TNXB: variants seen among roughly 807,000 people sequenced by gnomAD.
TNXB encodes the protein tenascin XB, also known as tenascin-X.
A neutral mutation model predicts 340.5 loss-of-function variants in TNXB; 183 were observed. The observed-to-expected ratio is 0.54, with a 90% confidence interval of 0.48 to 0.61. The LOEUF (loss-of-function observed/expected upper bound fraction) is 0.61, where lower values mean the gene tolerates loss of function less well. Ranked by LOEUF, TNXB falls within the 20% of genes least tolerant of loss-of-function variation. The probability of loss-of-function intolerance (pLI) is 0.00; values close to 1 mark genes in which losing one functional copy is unlikely to be tolerated. For synonymous variants in TNXB, 2,121 were observed against 2,314.5 expected, an observed-to-expected ratio of 0.92 and a Z score of 2.40; for missense variants, 4,613 against 5,446.4, an observed-to-expected ratio of 0.85 and a Z score of 4.82.
chr6:32,096,030 C>T lies in TNXB; in HGVS notation c.1823G>A (p.Trp608Ter). Residue 608 changes from tryptophan to a stop codon, truncating the protein, a stop_gained, in exon 3 of 44, where the codon TGG (tryptophan) becomes TAG (stop). Coordinates refer to ENST00000644971, the MANE Select transcript of TNXB (RefSeq NM_001365276.2). LOFTEE classifies it high-confidence loss of function. ...GVCQDGVCIC[W>*]EGYVSEDCSI... is the part of the protein sequence containing the mutation. ...GCAGTCCTCACTCACGTAGCCTTCC[C>T]AACAGATGCACACACCGTCCTGGCA... 2 of 1,613,174 alleles carry T rather than the reference C, an allele frequency of 1.2e-6. No homozygotes were observed. The highest frequency in any genetic ancestry group is 1.7e-6 in the Non-Finnish European group (2 of 1,179,786).
At position 32,082,395 on chromosome 6, in the gene TNXB, T is replaced by A; in HGVS notation, c.3446-69A>T. ...GAGAATGGGGAAGCCAAATCCCACA[T>A]AGGAATGCTGTGTGAGGCTGTGCAG... On this transcript the variant is annotated intron_variant, in intron 8 of 43. Coordinates refer to ENST00000644971, the MANE Select transcript of TNXB (RefSeq NM_001365276.2). This position sits in a 1 kb window ranked among gnomAD's most constrained non-coding sequence, Gnocchi z 5.0. 3 of 1,443,288 alleles carry A rather than the reference T, an allele frequency of 2.1e-6. No individual in the cohort carries two copies. The highest frequency in any genetic ancestry group is 2.8e-6 in the Non-Finnish European group (3 of 1,064,456). The allele number at this position is 1,443,288 out of a possible 1,614,324, so 89.4% of individuals were successfully genotyped here.
At position 32,097,048 on chromosome 6, in the gene TNXB, C is replaced by A; in HGVS notation, c.805G>T (p.Gly269Cys). ...ATGCCACAGTCGTCACCAGTGTAGC[C>A]TGGGTCACACACGCAGCGCCCACCC... Reference protein sequence around the residue: ...CEGGRCVCDPGYTGDDCGMRS... With the variant: ...CEGGRCVCDPCYTGDDCGMRS... The change falls in exon 3 of 44, where the codon GGC becomes TGC. Residue 269 changes from glycine (G) to cysteine (C), a missense_variant. Gly to Cys is a radical substitution (Grantham distance 159). This residue lies in a region of TNXB where 4,327 missense variants were observed against 4,859.4 expected (regional missense o/e 0.89). Coordinates refer to ENST00000644971, the MANE Select transcript of TNXB (RefSeq NM_001365276.2). The surrounding 1 kb of genome is among the most constrained non-coding windows in gnomAD (Gnocchi z 5.9). 6.2e-7 allele frequency: 1 copy of A among 1,613,170 alleles called. No homozygotes were observed. Among genetic ancestry groups the A allele is most frequent in the Non-Finnish European group, 8.5e-7 (1 of 1,179,610 alleles).
intron 1 of TNXB, among the ~76,000 whole-genome samples, chr6:32,104,767 T>G (rs1040793812): frequency 2.0e-5 from 3 of 152,012 alleles, no homozygotes; most frequent in African/African-American, 7.2e-5. Context: ...TCCTGAGTAG[T>G]TGGGACTACA....
chr6:32,080,432 G>A lies in TNXB; in HGVS notation c.4042+936C>T, dbSNP rs1024547934. 3.3e-5 allele frequency among the ~76,000 whole-genome samples: 5 copies of A among 152,106 alleles called. No homozygotes were observed. Among genetic ancestry groups the A allele is most frequent in the African/African-American group, 9.7e-5 (4 of 41,416 alleles). ...TCACCGTGTTAGCCAGGATGGTCTC[G>A]ATCTCCTGACCTCGTGATCCACCCG... is the stretch of plus-strand genomic sequence containing the variant. On this transcript the variant is annotated intron_variant, in intron 10 of 43. Transcript: ENST00000644971. This position sits in a 1 kb window ranked among gnomAD's most constrained non-coding sequence, Gnocchi z 4.3.
At chr6:32,078,095 G>GAAAT (rs199581479) in intron 11 of TNXB, among the ~76,000 whole-genome samples, 3 of 135,936 alleles carry the variant, frequency 2.2e-5, no homozygotes, top group Non-Finnish European at 4.6e-5. Context: ...AAGAAAGAAA[G>GAAAT]AAAGAAAGAA....
rs201412413 is a variant in TNXB, at chr6:32,068,891, A to G, written c.5833T>C (p.Tyr1945His). The change falls in exon 16 of 44, where the codon TAC (tyrosine) becomes CAC (histidine). Residue 1945 changes from tyrosine to histidine, a missense_variant. Coordinates refer to ENST00000644971, the MANE Select transcript of TNXB (RefSeq NM_001365276.2). This position sits in a 1 kb window ranked among gnomAD's most constrained non-coding sequence, Gnocchi z 5.3. ...TLSGLESDHRYLVTLYGFSDG... is the reference protein window; with the variant it reads ...TLSGLESDHRHLVTLYGFSDG... ...CTGAAACCATACAGGGTCACCAGGT[A>G]TCTGTGGTCGGATTCCAGGCCAGAG... The G allele has an allele frequency of 2.0e-4, 326 of 1,612,848 alleles. No homozygotes were observed. In the African/African-American group the frequency reaches 3.4e-3, roughly 17 times the overall value.
rs1776848139 is a variant in TNXB at position 32,046,086 on chromosome 6, C to A, written c.10606+89G>T. The A allele has an allele frequency of 6.6e-7, 1 of 1,512,758 alleles. No individual in the cohort carries two copies. Among genetic ancestry groups the A allele is most frequent in the African/African-American group, 1.4e-5 (1 of 72,808 alleles). The allele number at this position is 1,512,758 out of a possible 1,614,324, so 93.7% of individuals were successfully genotyped here. On this transcript the variant is annotated intron_variant, in intron 31 of 43. Coordinates refer to ENST00000644971, the MANE Select transcript of TNXB (RefSeq NM_001365276.2). The surrounding 1 kb of genome is among the most constrained non-coding windows in gnomAD (Gnocchi z 6.9). ...GCCAGGGCGCCCCACTCCGGCCTGCCCACTCCTGCAGTCATCTTTGTCTTC... is the reference window on the plus strand; with the variant it reads ...GCCAGGGCGCCCCACTCCGGCCTGCACACTCCTGCAGTCATCTTTGTCTTC...
intron 21 of TNXB, among the ~76,000 whole-genome samples, chr6:32,059,044 C>T (rs1216955072): frequency 6.6e-6 from 1 of 151,832 alleles, no homozygotes; most frequent in Non-Finnish European, 1.5e-5. Flanking sequence ...GAAAGTAGGA[C>T]TATGAGATTC....
Position 32,068,623 on chromosome 6 carries a change from G to C in TNXB, c.5987C>G (p.Thr1996Arg). 6.2e-7 allele frequency: 1 copy of C among 1,613,938 alleles called. No individual in the cohort carries two copies. Among genetic ancestry groups the C allele is most frequent in the Non-Finnish European group, 8.5e-7 (1 of 1,179,882 alleles). Residue 1996 changes from threonine to arginine, a missense_variant, in exon 17 of 44, where the codon ACA becomes AGA. This residue lies in a region of TNXB where 4,327 missense variants were observed against 4,859.4 expected (regional missense o/e 0.89). Coordinates refer to ENST00000644971, the MANE Select transcript of TNXB (RefSeq NM_001365276.2). This position sits in a 1 kb window ranked among gnomAD's most constrained non-coding sequence, Gnocchi z 5.3. Reference sequence around the variant, plus strand: ...GCTGAGGGAGTCAGGGGTGGCATCTGTCACGGTCAGCTCCCCCAGGCGAGG... The same window carrying C: ...GCTGAGGGAGTCAGGGGTGGCATCTCTCACGGTCAGCTCCCCCAGGCGAGG... Reference protein sequence around the residue: ...IKPRLGELTVTDATPDSLSLS... With the variant: ...IKPRLGELTVRDATPDSLSLS...
chr6:32,089,187 A>G lies in TNXB; in HGVS notation c.2515+36T>C, dbSNP rs755896944. 1.2e-5 allele frequency: 19 copies of G among 1,573,864 alleles called. No homozygotes were observed. The highest frequency in any genetic ancestry group is 5.2e-5 in the Admixed American group (3 of 57,430). On this transcript the variant is annotated intron_variant, in intron 5 of 43. Transcript: ENST00000644971. This position sits in a 1 kb window ranked among gnomAD's most constrained non-coding sequence, Gnocchi z 6.2. The stretch of plus-strand genomic sequence containing the variant: ...GATTCCCTCTCTAGTCCAGATCTCC[A>G]CTCAGGACACCCCTCCCCACAGCCC...
In TNXB at chr6:32,084,370, T is replaced by A. The variant is rs1779646695; in HGVS notation, c.3445+43A>T. 2 of 1,527,844 alleles carry A rather than the reference T, an allele frequency of 1.3e-6. No individual in the cohort carries two copies. Among genetic ancestry groups the A allele is most frequent in the Non-Finnish European group, 1.8e-6 (2 of 1,132,150 alleles). The allele number at this position is 1,527,844 out of a possible 1,614,324, so 94.6% of individuals were successfully genotyped here. A position where few individuals can be genotyped will look rare whatever the true frequency, so the allele number is the denominator to read the frequency against. On this transcript the variant is annotated intron_variant, in intron 8 of 43. Coordinates refer to ENST00000644971, the MANE Select transcript of TNXB (RefSeq NM_001365276.2). This position sits in a 1 kb window ranked among gnomAD's most constrained non-coding sequence, Gnocchi z 5.5. ...GTTCCCAAAGCACTGAGAAAACCTCTTCAGGGCAGTACAGAGGGCAGGGTG... is the reference window on the plus strand; with the variant it reads ...GTTCCCAAAGCACTGAGAAAACCTCATCAGGGCAGTACAGAGGGCAGGGTG...
At position 32,053,696 on chromosome 6, in the gene TNXB, G is replaced by A. The variant is rs771273359; in HGVS notation, c.8483C>T (p.Ala2828Val). The A allele has an allele frequency of 8.7e-6, 14 of 1,612,362 alleles. No individual in the cohort carries two copies. In the South Asian group the frequency reaches 1.3e-4, roughly 15 times the overall value. Residue 2828 changes from alanine (A) to valine (V), a missense_variant, in exon 25 of 44, where the codon GCA becomes GTA. This residue lies in a region of TNXB where 4,327 missense variants were observed against 4,859.4 expected (regional missense o/e 0.89). Coordinates refer to ENST00000644971, the MANE Select transcript of TNXB (RefSeq NM_001365276.2). ...TVGVTAPEDE[A>V]ETTQAVPTTT... ...GGTGGGCACTGCTTGGGTGGTCTCTGCTTCATCCTCTGGAGCTGGACAGAC... is the reference window on the plus strand; with the variant it reads ...GGTGGGCACTGCTTGGGTGGTCTCTACTTCATCCTCTGGAGCTGGACAGAC...
At chr6:32,078,112 A>G (rs1291319506) in intron 11 of TNXB, among the ~76,000 whole-genome samples, 3 of 150,542 alleles carry the variant, frequency 2.0e-5, no homozygotes, top group African/African-American at 4.9e-5. Context: ...AGAAAGAAAG[A>G]AAGAAAGAAA....
chr6:32,097,754 C>G lies in TNXB; in HGVS notation c.403+42G>C. On this transcript the variant is annotated intron_variant, in intron 2 of 43. Transcript: ENST00000644971. The surrounding 1 kb of genome is among the most constrained non-coding windows in gnomAD (Gnocchi z 5.9). ...ACCTTTATGGACTAGCAATGCCCAC[C>G]CCACCCCACCTCTCCACCCTCTTCT... 1 of 1,493,012 alleles carries G rather than the reference C, an allele frequency of 6.7e-7. No homozygotes were observed. Among genetic ancestry groups the G allele is most frequent in the Middle Eastern group, 1.8e-4 (1 of 5,510 alleles). The allele number at this position is 1,493,012 out of a possible 1,614,324, so 92.5% of individuals were successfully genotyped here. A position where few individuals can be genotyped will look rare whatever the true frequency, so the allele number is the denominator to read the frequency against.
At chr6:32,086,702 G>T (rs988798154) in intron 6 of TNXB, among the ~76,000 whole-genome samples, 4 of 152,116 alleles carry the variant, frequency 2.6e-5, no homozygotes, top group Admixed American at 1.3e-4. Context: ...TGAGCCAGGG[G>T]GTCTGAAAAG....
rs778262010 is a variant in TNXB at position 32,070,932 on chromosome 6, C to T, written c.4991-518G>A. Among the ~76,000 whole-genome samples, 7 of 152,160 alleles carry T rather than the reference C, an allele frequency of 4.6e-5. No homozygotes were observed. Among genetic ancestry groups the T allele is most frequent in the African/African-American group, 1.2e-4 (5 of 41,446 alleles). On this transcript the variant is annotated intron_variant, in intron 13 of 43. Coordinates refer to ENST00000644971, the MANE Select transcript of TNXB (RefSeq NM_001365276.2). The surrounding 1 kb of genome is among the most constrained non-coding windows in gnomAD (Gnocchi z 6.0). ...CTTTCTTATTCTGCACCGGCTGGCCCGGGAGAACTAAGGCTCCCACTGGGC... is the reference window on the plus strand; with the variant it reads ...CTTTCTTATTCTGCACCGGCTGGCCTGGGAGAACTAAGGCTCCCACTGGGC...
In TNXB at chr6:32,046,287, G is replaced by C; in HGVS notation, c.10494C>G (p.Asp3498Glu). Residue 3498 changes from aspartate to glutamate, a missense_variant, in exon 31 of 44, where the codon GAC becomes GAG. Asp to Glu is a conservative substitution (Grantham distance 45). Coordinates refer to ENST00000644971, the MANE Select transcript of TNXB (RefSeq NM_001365276.2). The surrounding 1 kb of genome is among the most constrained non-coding windows in gnomAD (Gnocchi z 6.9). ...GGTCCTCTACGGTGACTGTGCGCTG[G>C]TCTGCGGCCACAGGCACTGCCCTGG... The part of the protein sequence containing the change: ...GQPRAVPVAA[D>E]QRTVTVEDLE... 1 of 1,606,704 alleles carries C rather than the reference G, an allele frequency of 6.2e-7. No homozygotes were observed. The highest frequency in any genetic ancestry group is 8.5e-7 in the Non-Finnish European group (1 of 1,178,188).
In TNXB at chr6:32,046,149, G is replaced by C. The variant is rs1161786824; in HGVS notation, c.10606+26C>G. The C allele has an allele frequency of 1.3e-6, 2 of 1,571,036 alleles. No homozygotes were observed. Among genetic ancestry groups the C allele is most frequent in the Non-Finnish European group, 1.7e-6 (2 of 1,153,138 alleles). On this transcript the variant is annotated intron_variant, in intron 31 of 43. Coordinates refer to ENST00000644971, the MANE Select transcript of TNXB (RefSeq NM_001365276.2). The surrounding 1 kb of genome is among the most constrained non-coding windows in gnomAD (Gnocchi z 6.9). ...CAAGGAAACCCACACAAGCTGGCTT[G>C]CTATAGCCAGGCACAGCAGCCTCAC...
At position 32,051,968 on chromosome 6, in the gene TNXB, T is replaced by C. The variant is rs1010984961; in HGVS notation, c.9115+702A>G. Among the ~76,000 whole-genome samples the C allele has an allele frequency of 6.6e-6, 1 of 152,060 alleles. No individual in the cohort carries two copies. Among genetic ancestry groups the C allele is most frequent in the Admixed American group, 6.5e-5 (1 of 15,270 alleles). ...GTGTCTAGTGGGTAGGAAGTTTCAG[T>C]GTGGGAAGAGGAGTTCTGGAAGTGG... is the stretch of plus-strand genomic sequence containing the variant. On this transcript the variant is annotated intron_variant, in intron 26 of 43. Transcript: ENST00000644971. This position sits in a 1 kb window ranked among gnomAD's most constrained non-coding sequence, Gnocchi z 4.7.
Sources: allele counts gnomAD v4.1 joint callset (sites outside exome capture counted in the v4.1 genomes callset), GRCh38; gene constraint gnomAD v4.1.1; regional missense constraint gnomAD v4.1.1; non-coding constraint Gnocchi (gnomAD v3.1); transcripts MANE v1.5; gene names NCBI Gene and HGNC (gene_info 2026-07-23, HGNC 2026-07-21).